EIF3B: variants seen among roughly 807,000 people sequenced by gnomAD.
The protein encoded by EIF3B is eukaryotic translation initiation factor 3 subunit B, also known as eukaryotic translation initiation factor 3 subunit 9.
A neutral mutation model predicts 104.6 loss-of-function variants in EIF3B; 10 were observed. That is an observed-to-expected ratio of 0.10 (90% CI 0.06 to 0.16). The LOEUF (loss-of-function observed/expected upper bound fraction) is 0.16. Among genes scored for constraint, EIF3B ranks in the 10% least tolerant of loss-of-function variants. EIF3B has a pLI of 1.00. For missense variants in EIF3B, 1,014 were observed against 1,087.9 expected (o/e 0.93, Z 0.96); for synonymous variants, 542 against 417.2 (o/e 1.30, Z -3.65).
intron 1 of EIF3B, among the ~76,000 whole-genome samples, chr7:2,356,001 A>G (rs1779408180): frequency 6.6e-6 from 1 of 152,194 alleles, no homozygotes; most frequent in Admixed American, 6.5e-5. Flanking sequence ...TTATTTTTCC[A>G]GGTTTTAATA....
chr7:2,363,524 G>GGGAGTTAAGAT, intron 4 of EIF3B, 108 bp from the exon 5 acceptor site: 1 of 984,796 alleles, frequency 1.0e-6, no homozygotes, highest in Non-Finnish European at 1.5e-6. Flanking sequence ...GGTGTGACTT[G>GGGAGTTAAGAT]GGAGTTAAGA....
Position 2,372,853 on chromosome 7 carries a change from C to A in EIF3B, c.1810+58C>A. 5 of 1,580,036 alleles carry A rather than the reference C, an allele frequency of 3.2e-6. No individual in the cohort carries two copies. In the South Asian group the frequency reaches 3.5e-5, roughly 11 times the overall value. ...AGGTCAGCACAGATGATGACCCAGT[C>A]GCTGCCCAACAGTGAGCATTTGACT... On this transcript the variant is annotated intron_variant, in intron 12 of 18. Transcript: ENST00000360876.
intron 9 of EIF3B, among the ~76,000 whole-genome samples, chr7:2,368,445 C>CG (rs1438194994): frequency 1.3e-5 from 2 of 152,208 alleles, no homozygotes; most frequent in African/African-American, 4.8e-5. Flanking sequence ...CCACCGCGCC[C>CG]GGCCTAAGGT....
In EIF3B at chr7:2,378,517, T is replaced by C. The variant is rs111783007; in HGVS notation, c.2155-172T>C. 1,571 of 535,090 alleles carry C rather than the reference T, an allele frequency of 2.9e-3. 12 individuals carry two copies. Among genetic ancestry groups the C allele is most frequent in the African/African-American group, 0.016 (761 of 46,450 alleles). The allele number at this position is 535,090 out of a possible 1,614,324, so 33.1% of individuals were successfully genotyped here. A position where few individuals can be genotyped will look rare whatever the true frequency, so the allele number is the denominator to read the frequency against. ...GCAGGCGCGAGTGCTGCTGGGAAGC[T>C]GTGTTGTGTGAATGACCCTGGGTGT... On this transcript the variant is annotated intron_variant, in intron 15 of 18. Transcript: ENST00000360876.
intron 12 of EIF3B, 103 bp from the exon 13 acceptor site, chr7:2,374,425 T>C: frequency 9.3e-7 from 1 of 1,071,954 alleles, no homozygotes; most frequent in Non-Finnish European, 1.4e-6. Flanking sequence ...TTACCAGCTC[T>C]GCCCTCATGG....
intron 12 of EIF3B, 158 bp from the exon 13 acceptor site, chr7:2,374,370 C>G: frequency 1.6e-6 from 1 of 619,690 alleles, no homozygotes; most frequent in Non-Finnish European, 2.9e-6. Context: ...TTAGGGGGTA[C>G]TTGGCGATGG....
rs534726591 is a variant in EIF3B, at chr7:2,359,490, G to A, written c.500-1220G>A. 2.6e-5 allele frequency among the ~76,000 whole-genome samples: 4 copies of A among 152,312 alleles called. No individual in the cohort carries two copies. In the East Asian group the frequency reaches 7.7e-4, roughly 29 times the overall value. On this transcript the variant is annotated intron_variant, in intron 1 of 18. Coordinates refer to ENST00000360876, the MANE Select transcript of EIF3B (RefSeq NM_001037283.2). ...CGGAACAGGTGGAGGCTTCTGCAGG[G>A]TGGTGGCCTGGAGAGCACAGGGAGG...
chr7:2,366,885 T>C, intron 8 of EIF3B, 114 bp from the exon 9 acceptor site: 2 of 1,141,262 alleles, frequency 1.8e-6, no homozygotes, highest in Admixed American at 1.9e-5. Context: ...CTGTGTGCAC[T>C]GCCCCCTAGG....
At chr7:2,373,120 A>G (rs1366183009) in intron 12 of EIF3B, 5 of 197,976 alleles carry the variant, frequency 2.5e-5, no homozygotes, top group South Asian at 1.4e-4. Flanking sequence ...CTTCCTGTGG[A>G]CATACTCCTG....
rs995564567 is a variant in EIF3B, at chr7:2,361,568, C to T, written c.692+666C>T. 4.0e-5 allele frequency among the ~76,000 whole-genome samples: 6 copies of T among 151,892 alleles called. No individual in the cohort carries two copies. The East Asian group carries it at 5.8e-4, about 15-fold the overall frequency. On this transcript the variant is annotated intron_variant, in intron 2 of 18. Transcript: ENST00000360876. ...CCTAGTAGCTGGGACTACTGGCGCC[C>T]GCTACCACGCCCGGCTAATTTTTTG...
In EIF3B at chr7:2,379,127, T is replaced by C. The variant is rs745995660; in HGVS notation, c.2233-7T>C. On this transcript the variant is annotated splice_region_variant and splice_polypyrimidine_tract_variant and intron_variant, in intron 16 of 18. Coordinates refer to ENST00000360876, the MANE Select transcript of EIF3B (RefSeq NM_001037283.2). ...CAGTTCTGTGCTTTCCCCAACCTCA[T>C]GCATAGGAATTGGTGGAGAGAAGGC... is the stretch of plus-strand genomic sequence containing the variant. 3 of 1,612,982 alleles carry C rather than the reference T, an allele frequency of 1.9e-6. No homozygotes were observed. The highest frequency in any genetic ancestry group is 2.5e-6 in the Non-Finnish European group (3 of 1,179,456).
At chr7:2,354,280 C>T (rs1274768757), upstream of EIF3B, 1 of 152,216 alleles carries the variant, frequency 6.6e-6, no homozygotes, top group Non-Finnish European at 1.5e-5. Context: ...TCTGGCTCGC[C>T]CCGAATTCCT....
intron 1 of EIF3B, among the ~76,000 whole-genome samples, chr7:2,356,281 A>G (rs945030066): frequency 6.6e-6 from 1 of 152,190 alleles, no homozygotes; most frequent in Admixed American, 6.6e-5. Flanking sequence ...CGGGAATAAC[A>G]TGGAGTTGCC....
chr7:2,361,494 A>G (rs896764924), intron 2 of EIF3B, among the ~76,000 whole-genome samples: 1 of 151,918 alleles, frequency 6.6e-6, no homozygotes, highest in African/African-American at 2.4e-5. Flanking sequence ...ATCTCGGCTC[A>G]CTGAAAGCTC....
intron 1 of EIF3B, among the ~76,000 whole-genome samples, chr7:2,356,873 C>T (rs539425943): frequency 2.0e-4 from 30 of 151,830 alleles, no homozygotes; most frequent in Admixed American, 1.3e-3. Context: ...TCATAAAAGA[C>T]ATTTTAGCAT....
Position 2,379,254 on chromosome 7 carries a change from A to G in EIF3B, c.2341+12A>G, listed in dbSNP as rs1290124229. 6.2e-7 allele frequency: 1 copy of G among 1,606,398 alleles called. No homozygotes were observed. Among genetic ancestry groups the G allele is most frequent in the South Asian group, 1.1e-5 (1 of 90,204 alleles). On this transcript the variant is annotated intron_variant, in intron 17 of 18. Coordinates refer to ENST00000360876, the MANE Select transcript of EIF3B (RefSeq NM_001037283.2). ...GGAGTTGCGAGGAGGTAACTTAGAG[A>G]TCCCTCAGTCCCCAGGAGCTGGCCC...
intron 10 of EIF3B, 61 bp downstream of exon 10, chr7:2,369,743 A>G (rs1196649034): frequency 7.7e-5 from 52 of 673,498 alleles, no homozygotes; most frequent in Middle Eastern, 4.4e-4. Flanking sequence ...TGGCCACCGT[A>G]TTGTTTGGAG....
At position 2,354,948 on chromosome 7, in the gene EIF3B, G is replaced by T; in HGVS notation, c.27G>T (p.Val9=). ...TGCAGGACGCGGAGAACGTGGCGGT[G>T]CCCGAGGCGGCCGAGGAGCGCGCCG... MQDAENVA[V]PEAAEERAEP... Residue 9 remains valine (V), a synonymous_variant, in exon 1 of 19, where the codon GTG becomes GTT. Transcript: ENST00000360876. 2 of 1,226,328 alleles carry T rather than the reference G, an allele frequency of 1.6e-6. No homozygotes were observed. Among genetic ancestry groups the T allele is most frequent in the South Asian group, 4.4e-5 (2 of 45,534 alleles). The allele number at this position is 1,226,328 out of a possible 1,614,324, so 76.0% of individuals were successfully genotyped here.
chr7:2,374,786 C>G (rs1780545951), intron 13 of EIF3B, 180 bp downstream of exon 13: 1 of 561,044 alleles, frequency 1.8e-6, no homozygotes, highest in Non-Finnish European at 3.2e-6. Context: ...CTCCAGGACT[C>G]AGGCCAAGCC....
Sources: allele counts gnomAD v4.1 joint callset (sites outside exome capture counted in the v4.1 genomes callset), GRCh38; gene constraint gnomAD v4.1.1; transcripts MANE v1.5; gene names NCBI Gene and HGNC (gene_info 2026-07-23, HGNC 2026-07-21).